Variants in HCN4 observed in about 807,000 individuals in gnomAD.
The protein encoded by HCN4 is potassium/sodium hyperpolarization-activated cyclic nucleotide-gated channel 4.
HCN4 carries 29 observed loss-of-function variants against 76.9 expected under a neutral mutation model. The observed-to-expected ratio is 0.38, with a 90% CI of 0.28 to 0.51. The LOEUF (loss-of-function observed/expected upper bound fraction) is 0.51, where lower values mean the gene tolerates loss of function less well. HCN4 is among the 20% of genes least tolerant of loss of function. The pLI, the probability that HCN4 is intolerant of heterozygous loss-of-function variation, is 0.90. For synonymous variants in HCN4, 772 were observed against 762.5 expected, an observed-to-expected ratio of 1.01 and a Z score of -0.21; for missense variants, 1,416 against 1,715.2, an observed-to-expected ratio of 0.83 and a Z score of 3.08.
chr15:73,330,985 C>T (rs866210237), intron 3 of HCN4, among the ~76,000 whole-genome samples: 3 of 152,334 alleles, frequency 2.0e-5, no homozygotes, highest in Middle Eastern at 3.4e-3. Flanking sequence ...TTGTAAAGGC[C>T]TGTTTGATGC....
chr15:73,364,074 G>A (rs1216587527), intron 1 of HCN4, among the ~76,000 whole-genome samples: 3 of 152,122 alleles, frequency 2.0e-5, no homozygotes, highest in African/African-American at 7.2e-5. Flanking sequence ...CTGCCCCAAG[G>A]AAAGGACACT....
chr15:73,354,467 C>A (rs1015201842), intron 1 of HCN4, among the ~76,000 whole-genome samples: 1 of 152,218 alleles, frequency 6.6e-6, no homozygotes, highest in Non-Finnish European at 1.5e-5. Flanking sequence ...ACCTGGTGGA[C>A]TTCAGTCGGC....
chr15:73,332,393 C>T, intron 2 of HCN4, 101 bp from the exon 3 acceptor site: 1 of 1,222,666 alleles, frequency 8.2e-7, no homozygotes, highest in East Asian at 2.4e-5. Context: ...ACTGCTCTGC[C>T]TGGACTCTGC....
chr15:73,325,773 C>A lies in HCN4; in HGVS notation c.1591-329G>T, dbSNP rs1300307484. On this transcript the variant is annotated intron_variant, in intron 4 of 7. Coordinates refer to ENST00000261917, the MANE Select transcript of HCN4 (RefSeq NM_005477.3). The surrounding 1 kb of genome is among the most constrained non-coding windows in gnomAD (Gnocchi z 7.4). The stretch of plus-strand genomic sequence containing the variant: ...CAACTGTATCTCCAGGGAGGTCGAT[C>A]ACATTTCCTTGGAATGTTACACTGG... 6.6e-6 allele frequency among the ~76,000 whole-genome samples: 1 copy of A among 152,168 alleles called. No individual in the cohort carries two copies.
Position 73,329,683 on chromosome 15 carries a change from G to A in HCN4, c.1480C>T (p.Leu494Phe), listed in dbSNP as rs2151217007. 1.2e-6 allele frequency: 2 copies of A among 1,614,188 alleles called. No homozygotes were observed. Among genetic ancestry groups the A allele is most frequent in the Non-Finnish European group, 1.7e-6 (2 of 1,180,006 alleles). The change falls in exon 4 of 8, where the codon CTC (leucine) becomes TTC (phenylalanine). Residue 494 changes from leucine to phenylalanine, a missense_variant. Coordinates refer to ENST00000261917, the MANE Select transcript of HCN4 (RefSeq NM_005477.3). ...QAPVGMSDVW[L>F]TMLSMIVGAT... ...CCCACGATCATGCTGAGCATGGTGA[G>A]CCAGACGTCGGACATGCCCACGGGC...
At chr15:73,332,077 C>T (rs1567776894) in intron 3 of HCN4, 54 bp downstream of exon 3, 3 of 1,578,874 alleles carry the variant, frequency 1.9e-6, no homozygotes, top group Non-Finnish European at 2.6e-6. Flanking sequence ...CGCCACCCTA[C>T]CTCTGGAGAG....
Position 73,346,321 on chromosome 15 carries a change from A to G in HCN4, c.786-2513T>C, listed in dbSNP as rs117277518. On this transcript the variant is annotated intron_variant, in intron 1 of 7. Transcript: ENST00000261917. ...TGTTATCTGCTCAATGAGGATAACC[A>G]CAGTACCTGACTAGCAGCACTGTCA... Among the ~76,000 whole-genome samples, 585 of 152,338 alleles carry G rather than the reference A, an allele frequency of 3.8e-3. 3 individuals carry two copies. Among genetic ancestry groups the G allele is most frequent in the Non-Finnish European group, 6.4e-3 (438 of 68,040 alleles).
intron 1 of HCN4, among the ~76,000 whole-genome samples, chr15:73,365,964 C>G (rs1222454662): frequency 6.6e-6 from 1 of 152,192 alleles, no homozygotes; most frequent in South Asian, 2.1e-4. Context: ...TAGCTCGGCC[C>G]AGGATCCTCA....
chr15:73,322,633 G>A lies in HCN4; in HGVS notation c.3460C>T (p.Arg1154Trp), dbSNP rs200896834. Residue 1154 changes from arginine to tryptophan, a missense_variant, in exon 8 of 8, where the codon CGG (arginine) becomes TGG (tryptophan). Physicochemically the swap from Arg to Trp is moderately radical, Grantham distance 101. Transcript: ENST00000261917. ...GGCAAAGAACCTGAGGATGTCTTCC[G>A]AGGCAGAGTGACGTGCTGGCCGGGG... is the stretch of plus-strand genomic sequence containing the variant. ...AIPGQHVTLP[R>W]KTSSGSLPPP... 42 of 1,611,212 alleles carry A rather than the reference G, an allele frequency of 2.6e-5. No individual in the cohort carries two copies. The highest frequency in any genetic ancestry group is 1.7e-4 in the Middle Eastern group (1 of 6,042).
chr15:73,323,143 G>A lies in HCN4; in HGVS notation c.2950C>T (p.Leu984=). 1.3e-6 allele frequency: 2 copies of A among 1,589,196 alleles called. No homozygotes were observed. The highest frequency in any genetic ancestry group is 1.7e-4 in the Middle Eastern group (1 of 5,964). Residue 984 remains leucine, a synonymous_variant, in exon 8 of 8, where the codon CTA becomes TTA. Transcript: ENST00000261917. ...QLGQPPGELS[L]GLATGPLSTP... is the part of the protein sequence containing the mutation. Reference sequence around the variant, plus strand: ...CTCAGTGGGCCAGTGGCCAGACCTAGGGACAACTCCCCGGGAGGCTGGCCC... The same window carrying A: ...CTCAGTGGGCCAGTGGCCAGACCTAAGGACAACTCCCCGGGAGGCTGGCCC...
chr15:73,328,057 G>A lies in HCN4; in HGVS notation c.1590+1516C>T, dbSNP rs74022932. On this transcript the variant is annotated intron_variant, in intron 4 of 7. Coordinates refer to ENST00000261917, the MANE Select transcript of HCN4 (RefSeq NM_005477.3). This position sits in a 1 kb window ranked among gnomAD's most constrained non-coding sequence, Gnocchi z 4.0. ...TCCCCTCATGGAGCCGTGGCCTGGA[G>A]AGGGAAGGTGGGTTTGTTAAACAGA... is the stretch of plus-strand genomic sequence containing the variant. Among the ~76,000 whole-genome samples, 975 of 152,322 alleles carry A rather than the reference G, an allele frequency of 6.4e-3. 10 individuals carry two copies. The highest frequency in any genetic ancestry group is 0.022 in the African/African-American group (915 of 41,576).
chr15:73,322,726 C>G lies in HCN4; in HGVS notation c.3367G>C (p.Gly1123Arg). The G allele has an allele frequency of 6.4e-7, 1 of 1,564,382 alleles. No homozygotes were observed. Among genetic ancestry groups the G allele is most frequent in the Non-Finnish European group, 8.7e-7 (1 of 1,154,754 alleles). The change falls in exon 8 of 8, where the codon GGG becomes CGG. Residue 1123 changes from glycine (G) to arginine (R), a missense_variant. By Grantham distance (125) the Gly-to-Arg change is moderately radical (BLOSUM62 -2). Around this residue, in one of 6 missense-constraint regions of HCN4, gnomAD observed 633 missense variants for 579.8 expected, o/e 1.09. Transcript: ENST00000261917. ...MAAFPLFPRA[G>R]GGSGGSGSSG... The stretch of plus-strand genomic sequence containing the variant: ...CTCCCACTGCCCCCGCTGCCACCCC[C>G]AGCCCTGGGGAAGAGCGGGAAGGCA...
Position 73,367,776 on chromosome 15 carries a change from C to T in HCN4, c.495G>A (p.Pro165=), listed in dbSNP as rs2151228505. 11 of 1,486,268 alleles carry T rather than the reference C, an allele frequency of 7.4e-6. No individual in the cohort carries two copies. The highest frequency in any genetic ancestry group is 9.8e-6 in the Non-Finnish European group (11 of 1,124,078). The allele number at this position is 1,486,268 out of a possible 1,614,324, so 92.1% of individuals were successfully genotyped here. Reference sequence around the variant, plus strand: ...GCTGCGGTGGCTGCTGGGGCGGCGGCGGCGAGGCTGCGGGCTGCGCCGAGG... The same window carrying T: ...GCTGCGGTGGCTGCTGGGGCGGCGGTGGCGAGGCTGCGGGCTGCGCCGAGG... ...PGASAQPAAS[P]PPPQQPPQPA... is the part of the protein sequence containing the mutation. The change falls in exon 1 of 8, where the codon CCG becomes CCA. Residue 165 remains proline, a synonymous_variant. Transcript: ENST00000261917. This position sits in a 1 kb window ranked among gnomAD's most constrained non-coding sequence, Gnocchi z 7.5.
At chr15:73,364,544 G>T (rs2043120136) in intron 1 of HCN4, among the ~76,000 whole-genome samples, 1 of 152,206 alleles carries the variant, frequency 6.6e-6, no homozygotes, top group South Asian at 2.1e-4. Context: ...GAGGAGCCCG[G>T]GGAGCTATGT....
In HCN4 at chr15:73,323,908, G is replaced by C. The variant is rs2042882141; in HGVS notation, c.2185C>G (p.Leu729Val). Residue 729 changes from leucine (L) to valine (V), a missense_variant, in exon 8 of 8, where the codon CTC (leucine) becomes GTC (valine). By Grantham distance (32) the Leu-to-Val change is conservative. Around this residue, in one of 6 missense-constraint regions of HCN4, gnomAD observed 241 missense variants for 379.4 expected, o/e 0.64. Coordinates refer to ENST00000261917, the MANE Select transcript of HCN4 (RefSeq NM_005477.3). ...TGGTAGTTGAAGACGCCGGAGTTGAGGTCGTGCTGGACTTTGTGGAGGAGG... is the reference window on the plus strand; with the variant it reads ...TGGTAGTTGAAGACGCCGGAGTTGACGTCGTGCTGGACTTTGTGGAGGAGG... ...SILLHKVQHD[L>V]NSGVFNYQEN... The C allele has an allele frequency of 6.2e-7, 1 of 1,603,744 alleles. No homozygotes were observed. Among genetic ancestry groups the C allele is most frequent in the Admixed American group, 1.7e-5 (1 of 60,008 alleles).
rs2042865170 is a variant in HCN4, at chr15:73,322,455, AAAG to A, written c.*23_*25del. Reference sequence around the variant, plus strand: ...GAAGAAGGAAGGGAGAGAAAAGAAGAAAGAAGAGGGAAGGAAGGGCCCAGCTCA... The same window carrying A: ...GAAGAAGGAAGGGAGAGAAAAGAAGAAAGAGGGAAGGAAGGGCCCAGCTCA... On this transcript the variant is annotated 3_prime_UTR_variant, in exon 8 of 8. Coordinates refer to ENST00000261917, the MANE Select transcript of HCN4 (RefSeq NM_005477.3). The A allele has an allele frequency of 6.5e-6, 10 of 1,538,512 alleles. 1 individual carries two copies. The highest frequency in any genetic ancestry group is 8.8e-6 in the Non-Finnish European group (10 of 1,130,924).
intron 1 of HCN4, among the ~76,000 whole-genome samples, chr15:73,362,985 G>A (rs2043112557): frequency 6.6e-6 from 1 of 152,214 alleles, no homozygotes; most frequent in African/African-American, 2.4e-5. Flanking sequence ...AGCAGCCCCT[G>A]CCTTGTCAGG....
chr15:73,368,543 T>G lies in HCN4; in HGVS notation c.-273A>C, dbSNP rs2043141758. On this transcript the variant is annotated 5_prime_UTR_variant, in exon 1 of 8. Coordinates refer to ENST00000261917, the MANE Select transcript of HCN4 (RefSeq NM_005477.3). This position sits in a 1 kb window ranked among gnomAD's most constrained non-coding sequence, Gnocchi z 6.9. The stretch of plus-strand genomic sequence containing the variant: ...CCCTTCTTGCCTCCCTCCCTCCCTC[T>G]GGCGTTCAGGGGCGCGGCGCGCCGC... 36 of 233,718 alleles carry G rather than the reference T, an allele frequency of 1.5e-4. No individual in the cohort carries two copies. The highest frequency in any genetic ancestry group is 1.8e-4 in the South Asian group (1 of 5,702). 14.5% of individuals were successfully genotyped at this position (233,718 alleles called of 1,614,324 possible).
At chr15:73,351,453 C>T (rs1468061050) in intron 1 of HCN4, among the ~76,000 whole-genome samples, 2 of 152,212 alleles carry the variant, frequency 1.3e-5, no homozygotes, top group Non-Finnish European at 2.9e-5. Context: ...TCACAGCTTC[C>T]TCCACACTCT....
Sources: gnomAD v4.1 joint callset for allele counts (sites outside exome capture counted in the v4.1 genomes callset) on GRCh38, gnomAD v4.1.1 for gene constraint, gnomAD v4.1.1 regional missense constraint, Gnocchi (gnomAD v3.1) non-coding constraint, MANE v1.5 for transcripts, NCBI Gene and HGNC (gene_info 2026-07-23, HGNC 2026-07-21) for gene names.